The following RIMBP2 variants were observed in gnomAD, a reference collection of about 807,000 sequenced individuals.
RIMBP2 encodes the protein RIMS binding protein 2, also known as RIMS-binding protein 2.
A neutral mutation model predicts 118.6 loss-of-function variants in RIMBP2; 48 were observed. That is an observed-to-expected ratio of 0.40 (90% confidence interval 0.32 to 0.51). The LOEUF (loss-of-function observed/expected upper bound fraction) is 0.51, where lower values mean the gene tolerates loss of function less well. Ranked by LOEUF, RIMBP2 falls within the 20% of genes least tolerant of loss-of-function variation. The probability of loss-of-function intolerance (pLI) is 0.41; values close to 1 mark genes in which losing one functional copy is unlikely to be tolerated. For missense variants in RIMBP2, 1,551 were observed against 1,768.3 expected, an observed-to-expected ratio of 0.88 and a Z score of 2.20; for synonymous variants, 762 against 742.9, an observed-to-expected ratio of 1.03 and a Z score of -0.42.
chr12:130,548,796 AT>A (rs1453326589), intron 2 of RIMBP2, among the ~76,000 whole-genome samples: 1 of 151,386 alleles, frequency 6.6e-6, no homozygotes, highest in Non-Finnish European at 1.5e-5. Context: ...CTGGTCTCAA[AT>A]TCCTGACCCC....
chr12:130,451,763 C>A (rs2079030826), intron 7 of RIMBP2, among the ~76,000 whole-genome samples: 1 of 152,250 alleles, frequency 6.6e-6, no homozygotes, highest in African/African-American at 2.4e-5. Flanking sequence ...GAAAGTGGAT[C>A]CCGGCGATGG....
intron 1 of RIMBP2, among the ~76,000 whole-genome samples, chr12:130,663,066 G>A (rs1336516932): frequency 5.3e-5 from 8 of 152,214 alleles, no homozygotes; most frequent in Non-Finnish European, 1.2e-4. Context: ...TGGTTCCCAC[G>A]TGCGGCCAAG....
intron 1 of RIMBP2, among the ~76,000 whole-genome samples, chr12:130,692,507 C>T (rs994725052): frequency 6.6e-6 from 1 of 151,966 alleles, no homozygotes; most frequent in Non-Finnish European, 1.5e-5. Context: ...TAAATCTCAC[C>T]GAGACCCTCA....
At chr12:130,583,798 C>T (rs1214055506) in intron 2 of RIMBP2, among the ~76,000 whole-genome samples, 2 of 79,324 alleles carry the variant, frequency 2.5e-5, no homozygotes, top group East Asian at 5.1e-4. Flanking sequence ...CTCATCACCA[C>T]CACCGCCATC....
chr12:130,572,186 CAG>C (rs1444520825), intron 2 of RIMBP2, among the ~76,000 whole-genome samples: 1 of 152,212 alleles, frequency 6.6e-6, no homozygotes, highest in Non-Finnish European at 1.5e-5. Context: ...GCACGGGTGA[CAG>C]GGACAAAGCG....
rs182257214 is a variant in RIMBP2 at position 130,561,243 on chromosome 12, C to A, written c.-216-43326G>T. Among the ~76,000 whole-genome samples, 3 of 152,282 alleles carry A rather than the reference C, an allele frequency of 2.0e-5. No homozygotes were observed. In the East Asian group the frequency reaches 5.8e-4, roughly 29 times the overall value. On this transcript the variant is annotated intron_variant, in intron 2 of 22. Transcript: ENST00000690449. ...GAACTGGGAGAGAATAAGTGTCTGT[C>A]GTTTCAGCCATGTGGTCTGTGGTCC...
intron 7 of RIMBP2, 39 bp from the exon 8 acceptor site, chr12:130,451,379 G>A (rs777398919): frequency 3.1e-5 from 49 of 1,574,154 alleles, no homozygotes; most frequent in Non-Finnish European, 3.6e-5. Flanking sequence ...ACAAATATGC[G>A]AATAACATCG....
rs1594163199 is a variant in RIMBP2 at position 130,661,518 on chromosome 12, C to T, written c.-351-33062G>A. On this transcript the variant is annotated intron_variant, in intron 1 of 22. Coordinates refer to ENST00000690449, the MANE Select transcript of RIMBP2 (RefSeq NM_001393629.1). ...TAAACCATTACTGGTCATATGACCCCTTTGCACAAACTAAAAAGAGGTGCT... is the reference window on the plus strand; with the variant it reads ...TAAACCATTACTGGTCATATGACCCTTTTGCACAAACTAAAAAGAGGTGCT... 2.6e-5 allele frequency among the ~76,000 whole-genome samples: 4 copies of T among 152,328 alleles called. No homozygotes were observed. The South Asian group carries it at 8.3e-4, about 32-fold the overall frequency.
At chr12:130,637,745 T>C (rs753055) in intron 1 of RIMBP2, among the ~76,000 whole-genome samples, 107,835 of 152,142 alleles carry the variant, frequency 0.71, 38,766 homozygotes, top group Middle Eastern at 0.79. Context: ...GCTAACAATG[T>C]CCTCTTTCCT....
intron 19 of RIMBP2, among the ~76,000 whole-genome samples, chr12:130,408,095 A>G (rs972374675): frequency 2.0e-5 from 3 of 152,068 alleles, no homozygotes; most frequent in African/African-American, 7.3e-5. Flanking sequence ...TGTCCATTAA[A>G]CCAGTGAGAC....
chr12:130,421,691 A>G (rs56364722), intron 17 of RIMBP2, among the ~76,000 whole-genome samples: 28,320 of 147,020 alleles, frequency 0.19, 3,390 homozygotes, highest in Middle Eastern at 0.31. Context: ...CTGCATTTAT[A>G]TGTGTGTGTG....
chr12:130,527,699 A>G (rs1050733793), intron 2 of RIMBP2, among the ~76,000 whole-genome samples: 2 of 152,068 alleles, frequency 1.3e-5, no homozygotes, highest in Admixed American at 1.3e-4. Context: ...TCCATTTGAC[A>G]CGAGTCTGAT....
chr12:130,464,141 C>T (rs1479379951), intron 6 of RIMBP2, among the ~76,000 whole-genome samples: 1 of 152,076 alleles, frequency 6.6e-6, no homozygotes, highest in Non-Finnish European at 1.5e-5. Context: ...GAAACAACCA[C>T]GAATAGCCCA....
intron 13 of RIMBP2, among the ~76,000 whole-genome samples, chr12:130,436,367 A>G (rs529049458): frequency 3.5e-4 from 53 of 152,318 alleles, no homozygotes; most frequent in Admixed American, 1.3e-3. Context: ...ATGAGGGTGC[A>G]TACAGATACG....
rs144937084 is a variant in RIMBP2 at position 130,407,771 on chromosome 12, C to T, written c.3648G>A (p.Leu1216=). The change falls in exon 20 of 23, where the codon CTG becomes CTA. Residue 1216 remains leucine, a synonymous_variant. Transcript: ENST00000690449. ...HSVSTRRMVA[L]YDYDPRESSP... is the part of the protein sequence containing the mutation. ...AGCTTTCTCTGGGGTCGTAGTCATA[C>T]AGGGCCACCATTCTCCGCGTCGATA... 2.0e-4 allele frequency: 324 copies of T among 1,614,158 alleles called. 6 individuals carry two copies. In the Admixed American group the frequency reaches 5.3e-3, roughly 27 times the overall value.
intron 4 of RIMBP2, among the ~76,000 whole-genome samples, chr12:130,498,913 AT>A (rs1231220213): frequency 6.6e-6 from 1 of 152,186 alleles, no homozygotes; most frequent in Non-Finnish European, 1.5e-5. Context: ...CAGCCACTCA[AT>A]TTTGGGGTTG....
chr12:130,517,880 A>T lies in RIMBP2; in HGVS notation c.-179T>A. The T allele has an allele frequency of 1.0e-6, 1 of 985,792 alleles. No individual in the cohort carries two copies. Among genetic ancestry groups the T allele is most frequent in the Non-Finnish European group, 1.2e-6 (1 of 829,904 alleles). The allele number at this position is 985,792 out of a possible 1,614,324, so 61.1% of individuals were successfully genotyped here. ...AAGGCCTGCATGATGGGATCTCAGG[A>T]GATACTCTCCCTGGGTGGCATCCTT... On this transcript the variant is annotated 5_prime_UTR_variant, in exon 3 of 23. Coordinates refer to ENST00000690449, the MANE Select transcript of RIMBP2 (RefSeq NM_001393629.1).
chr12:130,437,123 G>A lies in RIMBP2; in HGVS notation c.1825C>T (p.His609Tyr), dbSNP rs139183976. ...PPELLVPPTPHPRPAPQSKPL... is the reference protein window; with the variant it reads ...PPELLVPPTPYPRPAPQSKPL... ...TTTGATTGGGGTGCAGGTCTCGGGTGGGGGGTAGGAGGCACCAGGAGCTCG... is the reference window on the plus strand; with the variant it reads ...TTTGATTGGGGTGCAGGTCTCGGGTAGGGGGTAGGAGGCACCAGGAGCTCG... The change falls in exon 13 of 23, where the codon CAC becomes TAC. Residue 609 changes from histidine to tyrosine, a missense_variant. Coordinates refer to ENST00000690449, the MANE Select transcript of RIMBP2 (RefSeq NM_001393629.1). 7.6e-6 allele frequency: 12 copies of A among 1,584,108 alleles called. No individual in the cohort carries two copies. The highest frequency in any genetic ancestry group is 9.5e-6 in the Non-Finnish European group (11 of 1,163,634).
chr12:130,536,320 G>A lies in RIMBP2; in HGVS notation c.-216-18403C>T, dbSNP rs1011652383. Reference sequence around the variant, plus strand: ...CCTCCTGAAATGCCCATGACCCCCAGAATAGGTCGACACTGTTAATCTCTG... The same window carrying A: ...CCTCCTGAAATGCCCATGACCCCCAAAATAGGTCGACACTGTTAATCTCTG... On this transcript the variant is annotated intron_variant, in intron 2 of 22. Coordinates refer to ENST00000690449, the MANE Select transcript of RIMBP2 (RefSeq NM_001393629.1). 2.4e-4 allele frequency among the ~76,000 whole-genome samples: 37 copies of A among 152,178 alleles called. 1 individual carries two copies. The highest frequency in any genetic ancestry group is 7.3e-5 in the Non-Finnish European group (5 of 68,030).
Sources: allele counts gnomAD v4.1 joint callset (sites outside exome capture counted in the v4.1 genomes callset), GRCh38; gene constraint gnomAD v4.1.1; transcripts MANE v1.5; gene names NCBI Gene and HGNC (gene_info 2026-07-23, HGNC 2026-07-21).